The following NTNG1 variants were observed in gnomAD, a reference collection of about 807,000 sequenced individuals.
The protein encoded by NTNG1 is netrin-G1.
Under a neutral mutation model 54.0 loss-of-function variants are expected in NTNG1, and 16 were observed. The ratio of observed to expected loss-of-function variants is 0.30; its 90% CI spans 0.20 to 0.45. NTNG1 has a LOEUF of 0.45. NTNG1 is among the 20% of genes least tolerant of loss of function. The pLI, the probability that NTNG1 is intolerant of heterozygous loss-of-function variation, is 1.00. For synonymous variants in NTNG1, 255 were observed against 263.1 expected (o/e 0.97, Z 0.30); for missense variants, 530 against 678.7 (o/e 0.78, Z 2.43).
intron 3 of NTNG1, among the ~76,000 whole-genome samples, chr1:107,331,992 T>G (rs1032466567): frequency 6.6e-6 from 1 of 152,048 alleles, no homozygotes; most frequent in Non-Finnish European, 1.5e-5. Flanking sequence ...TAATTAAAAA[T>G]TAAAAACCAA....
chr1:107,376,329 A>G (rs1490705935), intron 3 of NTNG1, among the ~76,000 whole-genome samples: 2 of 151,716 alleles, frequency 1.3e-5, no homozygotes, highest in Admixed American at 1.3e-4. Flanking sequence ...AATGGCGTGA[A>G]CCCGGGAGGC....
intron 2 of NTNG1, among the ~76,000 whole-genome samples, chr1:107,169,018 A>G (rs986250448): frequency 6.6e-6 from 1 of 152,200 alleles, no homozygotes; most frequent in African/African-American, 2.4e-5. Context: ...CAAACAGTTT[A>G]ATCTGTAAAT....
At chr1:107,473,816 GC>G (rs1370244321) in intron 7 of NTNG1, among the ~76,000 whole-genome samples, 1 of 152,156 alleles carries the variant, frequency 6.6e-6, no homozygotes, top group African/African-American at 2.4e-5. Flanking sequence ...ACAACACCTT[GC>G]TGACTTCAGC....
chr1:107,340,498 C>T (rs941508337), intron 3 of NTNG1, among the ~76,000 whole-genome samples: 1 of 152,020 alleles, frequency 6.6e-6, no homozygotes, highest in African/African-American at 2.4e-5. Context: ...ATTTGTTTAG[C>T]ACTGATGAGT....
chr1:107,183,258 T>C (rs1657205311), intron 2 of NTNG1, among the ~76,000 whole-genome samples: 1 of 152,130 alleles, frequency 6.6e-6, no homozygotes, highest in African/African-American at 2.4e-5. Flanking sequence ...TTTATGGCTG[T>C]ATCTGGCACA....
At chr1:107,364,357 A>G (rs990824631) in intron 3 of NTNG1, among the ~76,000 whole-genome samples, 5 of 152,182 alleles carry the variant, frequency 3.3e-5, no homozygotes, top group African/African-American at 1.2e-4. Context: ...CTATTCACTT[A>G]TTATTAAACT....
rs543166804 is a variant in NTNG1, at chr1:107,398,795, A to G, written c.1060+3469A>G. On this transcript the variant is annotated intron_variant, in intron 4 of 7. Coordinates refer to ENST00000370068, the MANE Select transcript of NTNG1 (RefSeq NM_001113226.3). ...TTGATCTTCATTCTTTTTTGATAGA[A>G]TTCTATTTTGGATGTCCTTTGAATT... 1.1e-4 allele frequency among the ~76,000 whole-genome samples: 16 copies of G among 152,224 alleles called. No homozygotes were observed. The South Asian group carries it at 3.1e-3, about 30-fold the overall frequency.
chr1:107,422,783 G>A (rs1426842490), intron 5 of NTNG1, among the ~76,000 whole-genome samples: 2 of 151,922 alleles, frequency 1.3e-5, no homozygotes, highest in African/African-American at 4.8e-5. Flanking sequence ...CTCTGGATTT[G>A]AATTAGCTTT....
intron 3 of NTNG1, among the ~76,000 whole-genome samples, chr1:107,378,373 G>A (rs1306586107): frequency 6.6e-6 from 1 of 152,160 alleles, no homozygotes; most frequent in Non-Finnish European, 1.5e-5. Flanking sequence ...CTTTCGGCAG[G>A]GAAAGAGCCC....
At chr1:107,341,750 G>A (rs998636821) in intron 3 of NTNG1, among the ~76,000 whole-genome samples, 7 of 152,076 alleles carry the variant, frequency 4.6e-5, no homozygotes. Flanking sequence ...TCATCTATGA[G>A]AGAAAAAGAG....
intron 2 of NTNG1, among the ~76,000 whole-genome samples, chr1:107,152,054 A>G (rs1570714380): frequency 6.6e-6 from 1 of 151,768 alleles, no homozygotes; most frequent in South Asian, 2.1e-4. Flanking sequence ...ACATACATAT[A>G]TACACATATA....
chr1:107,337,622 G>A (rs1224466367), intron 3 of NTNG1, among the ~76,000 whole-genome samples: 1 of 129,982 alleles, frequency 7.7e-6, no homozygotes, highest in East Asian at 3.4e-4. Context: ...TGTGTTATGT[G>A]TATTTTAACA....
chr1:107,315,312 T>A (rs929433671), intron 2 of NTNG1, among the ~76,000 whole-genome samples: 1 of 152,116 alleles, frequency 6.6e-6, no homozygotes, highest in Non-Finnish European at 1.5e-5. Flanking sequence ...CTAGTAAACC[T>A]CCTACGGGTT....
chr1:107,318,546 CAAAG>C (rs1319177752), intron 2 of NTNG1, among the ~76,000 whole-genome samples: 3 of 150,136 alleles, frequency 2.0e-5, no homozygotes, highest in South Asian at 2.1e-4. Flanking sequence ...AAAAAAAAGA[CAAAG>C]AAATTTGTGC....
At position 107,401,994 on chromosome 1, in the gene NTNG1, G is replaced by GCTA. The variant is rs143614999; in HGVS notation, c.1061-5686_1061-5684dup. On this transcript the variant is annotated intron_variant, in intron 4 of 7. Coordinates refer to ENST00000370068, the MANE Select transcript of NTNG1 (RefSeq NM_001113226.3). ...GTAGTAAGCAGCAGTGCAATTACCT[G>GCTA]CTACAGTCATTATCTTTTCCCTGAG... is the stretch of plus-strand genomic sequence containing the variant. 0.012 allele frequency among the ~76,000 whole-genome samples: 1,786 copies of GCTA among 152,226 alleles called. 88 individuals are homozygous for GCTA. In the East Asian group the frequency reaches 0.17, roughly 15 times the overall value.
At chr1:107,443,222 T>G (rs1166286200) in intron 7 of NTNG1, among the ~76,000 whole-genome samples, 1 of 152,068 alleles carries the variant, frequency 6.6e-6, no homozygotes, top group Non-Finnish European at 1.5e-5. Flanking sequence ...TCCTCTACAC[T>G]CTAATCTTTC....
chr1:107,240,908 T>C (rs1661781667), intron 2 of NTNG1, among the ~76,000 whole-genome samples: 1 of 152,226 alleles, frequency 6.6e-6, no homozygotes, highest in Non-Finnish European at 1.5e-5. Context: ...GGCTCTGTAC[T>C]CTTAGTTTCT....
In NTNG1 at chr1:107,274,091, C is replaced by A. The variant is rs1422515197; in HGVS notation, c.247-50191C>A. Among the ~76,000 whole-genome samples the A allele has an allele frequency of 2.6e-5, 4 of 152,128 alleles. No homozygotes were observed. The South Asian group carries it at 6.2e-4, about 24-fold the overall frequency. Reference sequence around the variant, plus strand: ...ATTTGCCACTGAGTTTGTATAATAACCCATTAAAGTGGGTATTATTATTAT... The same window carrying A: ...ATTTGCCACTGAGTTTGTATAATAAACCATTAAAGTGGGTATTATTATTAT... On this transcript the variant is annotated intron_variant, in intron 2 of 7. Coordinates refer to ENST00000370068, the MANE Select transcript of NTNG1 (RefSeq NM_001113226.3).
chr1:107,261,614 C>A (rs545497800), intron 2 of NTNG1, among the ~76,000 whole-genome samples: 5 of 152,162 alleles, frequency 3.3e-5, no homozygotes, highest in Non-Finnish European at 7.3e-5. Context: ...GAGGCCGAGG[C>A]GGGCAGATCA....
Sources: gnomAD v4.1 joint callset for allele counts (sites outside exome capture counted in the v4.1 genomes callset) on GRCh38, gnomAD v4.1.1 for gene constraint, MANE v1.5 for transcripts, NCBI Gene and HGNC (gene_info 2026-07-23, HGNC 2026-07-21) for gene names.